KCNQ1: variants seen among roughly 807,000 people sequenced by gnomAD.
KCNQ1 encodes potassium voltage-gated channel subfamily Q member 1.
In KCNQ1, 49 loss-of-function variants were observed where a neutral mutation model predicts 72.4. The observed-to-expected ratio is 0.68, with a 90% CI of 0.54 to 0.86. The LOEUF (loss-of-function observed/expected upper bound fraction) is 0.86, where lower values mean the gene tolerates loss of function less well. KCNQ1 is among the 40% of genes least tolerant of loss of function. The pLI is 0.00. For synonymous variants in KCNQ1, 450 were observed against 412.6 expected (o/e 1.09, Z -1.10); for missense variants, 790 against 945.1 (o/e 0.84, Z 2.15).
chr11:2,835,432 C>T (rs900222052), intron 15 of KCNQ1, among the ~76,000 whole-genome samples: 3 of 151,868 alleles, frequency 2.0e-5, no homozygotes, highest in East Asian at 3.9e-4. Context: ...CACACACGCA[C>T]ACATGCAGGC....
chr11:2,581,999 C>A (rs778348064), intron 6 of KCNQ1, among the ~76,000 whole-genome samples: 2 of 152,204 alleles, frequency 1.3e-5, no homozygotes, highest in African/African-American at 4.8e-5. Flanking sequence ...AGCGAACGTG[C>A]GGTCAGGGCA....
At position 2,547,514 on chromosome 11, in the gene KCNQ1, A is replaced by G. The variant is rs1847915667; in HGVS notation, c.477+19496A>G. ...CTCCCAAAGTGCTGGGATCACAGGC[A>G]TGAGCCACCGTGCCCAGCCTGTATT... On this transcript the variant is annotated intron_variant, in intron 2 of 15. Transcript: ENST00000155840. The surrounding 1 kb of genome is among the most constrained non-coding windows in gnomAD (Gnocchi z 4.2). 1.3e-5 allele frequency among the ~76,000 whole-genome samples: 2 copies of G among 152,324 alleles called. No individual in the cohort carries two copies. The highest frequency in any genetic ancestry group is 3.4e-3 in the Middle Eastern group (1 of 294).
At chr11:2,633,298 G>T (rs1849394676) in intron 10 of KCNQ1, 5 of 398,314 alleles carry the variant, frequency 1.3e-5, no homozygotes, top group Non-Finnish European at 2.2e-5. Flanking sequence ...TCCCTTGTCA[G>T]ATGAATATTT....
At position 2,723,231 on chromosome 11, in the gene KCNQ1, C is replaced by G. The variant is rs1752095390; in HGVS notation, c.1515-45613C>G. Among the ~76,000 whole-genome samples, 1 of 152,214 alleles carries G rather than the reference C, an allele frequency of 6.6e-6. No individual in the cohort carries two copies. The highest frequency in any genetic ancestry group is 1.5e-5 in the Non-Finnish European group (1 of 68,034). ...CCACACACCTGCCACAGCTGCTTAC[C>G]CCACTCCCTGCCGCCCTGGACAAGG... On this transcript the variant is annotated intron_variant, in intron 11 of 15. Coordinates refer to ENST00000155840, the MANE Select transcript of KCNQ1 (RefSeq NM_000218.3). The surrounding 1 kb of genome is among the most constrained non-coding windows in gnomAD (Gnocchi z 4.2).
chr11:2,649,955 T>C (rs1398698568), intron 10 of KCNQ1: 1 of 398,546 alleles, frequency 2.5e-6, no homozygotes, highest in Non-Finnish European at 4.4e-6. Context: ...TAGTGTCTCA[T>C]ATGTCACGCA....
At chr11:2,610,716 C>CTTTTTTTTTTTTTTTTTT (rs1167505141) in intron 10 of KCNQ1, 23 of 230,182 alleles carry the variant, frequency 1.0e-4, no homozygotes, top group African/African-American at 2.3e-4. Context: ...TCTTGGTTGG[C>CTTTTTTTTTTTTTTTTTT]TTTTTTTTTT....
intron 15 of KCNQ1, among the ~76,000 whole-genome samples, chr11:2,839,357 A>G (rs184471581): frequency 1.3e-5 from 2 of 152,318 alleles, no homozygotes; most frequent in Non-Finnish European, 2.9e-5. Flanking sequence ...CCCACCCTGA[A>G]GTTGACATGA....
intron 15 of KCNQ1, among the ~76,000 whole-genome samples, chr11:2,804,357 T>C (rs948498837): frequency 3.9e-5 from 6 of 152,118 alleles, no homozygotes; most frequent in Admixed American, 6.5e-5. Context: ...AACTCAGTGG[T>C]AGAGCTGAGA....
intron 15 of KCNQ1, among the ~76,000 whole-genome samples, chr11:2,798,954 G>A (rs562576497): frequency 3.3e-5 from 5 of 152,226 alleles, no homozygotes; most frequent in Non-Finnish European, 7.4e-5. Flanking sequence ...GAGAGCAGAG[G>A]GTACCCGCGT....
Position 2,484,497 on chromosome 11 carries a change from G to A in KCNQ1, c.386+39013G>A, listed in dbSNP as rs1409377726. Among the ~76,000 whole-genome samples the A allele has an allele frequency of 6.6e-6, 1 of 152,170 alleles. No homozygotes were observed. The highest frequency in any genetic ancestry group is 6.5e-5 in the Admixed American group (1 of 15,270). The stretch of plus-strand genomic sequence containing the variant: ...TTATTTTCATTGCTCAAATTGTGCT[G>A]GCTTTTGCCCCAGAAACAACCTTCC... On this transcript the variant is annotated intron_variant, in intron 1 of 15. Transcript: ENST00000155840. The surrounding 1 kb of genome is among the most constrained non-coding windows in gnomAD (Gnocchi z 5.2).
At chr11:2,527,756 G>A (rs981049344) in intron 1 of KCNQ1, among the ~76,000 whole-genome samples, 172 bp from the exon 2 acceptor site, 2 of 152,238 alleles carry the variant, frequency 1.3e-5, no homozygotes, top group Non-Finnish European at 2.9e-5. Flanking sequence ...GGCATCCCTC[G>A]TGCGGACCTA....
Position 2,647,109 on chromosome 11 carries a change from G to T in KCNQ1, c.1394-14852G>T, listed in dbSNP as rs1849678089. On this transcript the variant is annotated intron_variant, in intron 10 of 15. Coordinates refer to ENST00000155840, the MANE Select transcript of KCNQ1 (RefSeq NM_000218.3). The surrounding 1 kb of genome is among the most constrained non-coding windows in gnomAD (Gnocchi z 4.0). ...TTAGCTTTTCCCCAGGTGGCTGTGGGTTTGTCATATATGACCTTCATTGAG... is the reference window on the plus strand; with the variant it reads ...TTAGCTTTTCCCCAGGTGGCTGTGGTTTTGTCATATATGACCTTCATTGAG... The T allele has an allele frequency of 2.5e-6, 1 of 398,366 alleles. No individual in the cohort carries two copies. The highest frequency in any genetic ancestry group is 3.6e-5 in the East Asian group (1 of 28,046). The allele number at this position is 398,366 out of a possible 1,614,324, so 24.7% of individuals were successfully genotyped here. A position where few individuals can be genotyped will look rare whatever the true frequency, so the allele number is the denominator to read the frequency against.
At chr11:2,751,131 C>G (rs1846219152) in intron 11 of KCNQ1, among the ~76,000 whole-genome samples, 2 of 152,218 alleles carry the variant, frequency 1.3e-5, no homozygotes, top group Admixed American at 1.3e-4. Context: ...TGATCATCCC[C>G]AAAGCTTGGA....
chr11:2,621,370 C>T lies in KCNQ1; in HGVS notation c.1393+32516C>T. ...TCTTTTAAGAAATGTATGTTCCTGT[C>T]CTTTGCCAATTCAATTGGATTATTC... is the stretch of plus-strand genomic sequence containing the variant. On this transcript the variant is annotated intron_variant, in intron 10 of 15. Transcript: ENST00000155840. The surrounding 1 kb of genome is among the most constrained non-coding windows in gnomAD (Gnocchi z 5.7). 1 of 398,516 alleles carries T rather than the reference C, an allele frequency of 2.5e-6. No homozygotes were observed. Among genetic ancestry groups the T allele is most frequent in the Non-Finnish European group, 4.4e-6 (1 of 226,044 alleles). 24.7% of individuals were successfully genotyped at this position (398,516 alleles called of 1,614,324 possible). A position where few individuals can be genotyped will look rare whatever the true frequency, so the allele number is the denominator to read the frequency against.
At chr11:2,632,876 A>G in intron 10 of KCNQ1, 1 of 398,472 alleles carries the variant, frequency 2.5e-6, no homozygotes, top group Non-Finnish European at 4.4e-6. Context: ...ACTGCAATAA[A>G]CATGAGAATG....
intron 15 of KCNQ1, among the ~76,000 whole-genome samples, chr11:2,797,014 G>A (rs754495891): frequency 6.6e-6 from 1 of 152,240 alleles, no homozygotes; most frequent in African/African-American, 2.4e-5. Flanking sequence ...ATTTTACAAC[G>A]TATGGGCTGG....
chr11:2,760,638 G>A (rs981124005), intron 11 of KCNQ1, among the ~76,000 whole-genome samples: 2 of 152,166 alleles, frequency 1.3e-5, no homozygotes, highest in African/African-American at 2.4e-5. Flanking sequence ...CACCAGCCCC[G>A]GGCCCTCAGT....
At chr11:2,667,197 C>T (rs1228645307) in intron 11 of KCNQ1, 5 of 398,316 alleles carry the variant, frequency 1.3e-5, no homozygotes, top group African/African-American at 8.2e-5. Flanking sequence ...GCTGTGGCGG[C>T]CCCCCGTGGC....
chr11:2,829,410 G>A (rs983059636), intron 15 of KCNQ1, among the ~76,000 whole-genome samples: 4 of 152,180 alleles, frequency 2.6e-5, no homozygotes, highest in Non-Finnish European at 1.5e-5. Context: ...ATTAGTGACA[G>A]ATGCAGTAAA....
Sources: gnomAD v4.1 joint callset for allele counts (sites outside exome capture counted in the v4.1 genomes callset) on GRCh38, gnomAD v4.1.1 for gene constraint, Gnocchi (gnomAD v3.1) non-coding constraint, MANE v1.5 for transcripts, NCBI Gene and HGNC (gene_info 2026-07-23, HGNC 2026-07-21) for gene names.